EYS: variants seen among roughly 807,000 people sequenced by gnomAD.
EYS encodes the protein EGF-like photoreceptor maintenance factor, also known as protein eyes shut homolog.
Under a neutral mutation model 282.1 loss-of-function variants are expected in EYS, and 250 were observed. The observed-to-expected ratio is 0.89, with a 90% CI of 0.80 to 0.98. The LOEUF (loss-of-function observed/expected upper bound fraction) is 0.98, where lower values mean the gene tolerates loss of function less well. Ranked by LOEUF, EYS falls within the 50% of genes least tolerant of loss-of-function variation. The pLI is 0.00. For synonymous variants in EYS, 1,355 were observed against 1,282.9 expected (o/e 1.06, Z -1.20); for missense variants, 4,016 against 3,709.0 (o/e 1.08, Z -2.15).
intron 2 of EYS, among the ~76,000 whole-genome samples, chr6:65,575,059 C>T (rs917242199): frequency 3.9e-5 from 6 of 152,146 alleles, no homozygotes; most frequent in African/African-American, 7.2e-5. Flanking sequence ...TGGTGGCTCA[C>T]GCCTATAATC....
intron 30 of EYS, among the ~76,000 whole-genome samples, chr6:64,251,849 A>G (rs960743449): frequency 1.3e-5 from 2 of 152,272 alleles, no homozygotes; most frequent in East Asian, 3.9e-4. Flanking sequence ...CTAAAATGCC[A>G]AAAGGAAGAA....
chr6:64,984,040 T>G (rs1770770006), intron 14 of EYS, among the ~76,000 whole-genome samples: 1 of 151,400 alleles, frequency 6.6e-6, no homozygotes, highest in East Asian at 1.9e-4. Flanking sequence ...CGTCTGGAAT[T>G]ACGAGATCTG....
At chr6:65,115,515 G>A (rs1368805187) in intron 12 of EYS, among the ~76,000 whole-genome samples, 1 of 151,898 alleles carries the variant, frequency 6.6e-6, no homozygotes. Flanking sequence ...TGAAAAAAAT[G>A]CCTGACACTA....
intron 41 of EYS, among the ~76,000 whole-genome samples, chr6:63,760,015 C>T (rs558515236): frequency 5.9e-5 from 9 of 152,062 alleles, no homozygotes; most frequent in African/African-American, 2.2e-4. Context: ...GCAAAATGAC[C>T]ATGTGTGTGG....
At position 63,993,441 on chromosome 6, in the gene EYS, C is replaced by A. The variant is rs529308240; in HGVS notation, c.6834+5634G>T. Among the ~76,000 whole-genome samples, 13 of 151,832 alleles carry A rather than the reference C, an allele frequency of 8.6e-5. No homozygotes were observed. In the South Asian group the frequency reaches 2.7e-3, roughly 32 times the overall value. On this transcript the variant is annotated intron_variant, in intron 34 of 42. Coordinates refer to ENST00000503581, the MANE Select transcript of EYS (RefSeq NM_001142800.2). The stretch of plus-strand genomic sequence containing the variant: ...TAATGATATCTCTGACATACATGCA[C>A]ACACACAAAAACTGTTAGAGCCAAC...
intron 2 of EYS, among the ~76,000 whole-genome samples, chr6:65,574,284 A>G (rs549755204): frequency 6.6e-6 from 1 of 152,292 alleles, no homozygotes; most frequent in East Asian, 1.9e-4. Flanking sequence ...AAGGTCTCCA[A>G]TCAAATTCGG....
At chr6:64,697,963 C>CA (rs1372308427) in intron 22 of EYS, among the ~76,000 whole-genome samples, 130 of 150,708 alleles carry the variant, frequency 8.6e-4, no homozygotes, top group African/African-American at 2.8e-3. Flanking sequence ...CAAAAAAAAG[C>CA]AAAAAAAATC....
intron 19 of EYS, among the ~76,000 whole-genome samples, chr6:64,882,726 T>A (rs1207016107): frequency 6.6e-6 from 1 of 151,666 alleles, no homozygotes; most frequent in African/African-American, 2.4e-5. Flanking sequence ...ATCTTTTATT[T>A]CCCATTCAAT....
chr6:64,562,964 T>C (rs1218953468), intron 26 of EYS, among the ~76,000 whole-genome samples: 1 of 152,062 alleles, frequency 6.6e-6, no homozygotes, highest in Non-Finnish European at 1.5e-5. Context: ...TAAAACTCAG[T>C]ATTCTGACAA....
chr6:65,219,607 T>C (rs1766408238), intron 12 of EYS, among the ~76,000 whole-genome samples: 2 of 152,196 alleles, frequency 1.3e-5, no homozygotes, highest in Non-Finnish European at 2.9e-5. Flanking sequence ...AATCTTTGTT[T>C]ACATCTGTTT....
At chr6:63,810,795 A>G (rs1013808767) in intron 36 of EYS, among the ~76,000 whole-genome samples, 1 of 152,112 alleles carries the variant, frequency 6.6e-6, no homozygotes, top group East Asian at 1.9e-4. Flanking sequence ...AGCCTCTAAA[A>G]TGGCTATTTA....
At chr6:65,149,614 G>C (rs1173894054) in intron 12 of EYS, among the ~76,000 whole-genome samples, 1 of 149,808 alleles carries the variant, frequency 6.7e-6, no homozygotes, top group Non-Finnish European at 1.5e-5. Flanking sequence ...GGACTTCATT[G>C]TCCAAATCAC....
intron 29 of EYS, among the ~76,000 whole-genome samples, chr6:64,315,971 T>A (rs1007079709): frequency 6.6e-6 from 1 of 152,140 alleles, no homozygotes; most frequent in Non-Finnish European, 1.5e-5. Context: ...AAAAACCACA[T>A]GATTATCTCA....
chr6:64,956,603 GCTC>G (rs1769708884), intron 14 of EYS, among the ~76,000 whole-genome samples: 1 of 145,030 alleles, frequency 6.9e-6, no homozygotes, highest in South Asian at 2.2e-4. Flanking sequence ...AAGTTAAAAA[GCTC>G]CTGCACAGCA....
At chr6:64,658,922 C>G (rs1768874954) in intron 22 of EYS, among the ~76,000 whole-genome samples, 2 of 152,222 alleles carry the variant, frequency 1.3e-5, no homozygotes, top group Non-Finnish European at 2.9e-5. Context: ...CACCCCAAAT[C>G]AACAGAATAT....
intron 29 of EYS, among the ~76,000 whole-genome samples, chr6:64,387,503 T>C (rs1054217827): frequency 3.3e-5 from 5 of 152,158 alleles, no homozygotes; most frequent in Admixed American, 2.6e-4. Context: ...CAAATGTAAT[T>C]TATGAAAGGT....
intron 12 of EYS, among the ~76,000 whole-genome samples, chr6:65,206,247 T>C (rs1374591645): frequency 6.6e-6 from 1 of 151,704 alleles, no homozygotes. Context: ...CACCAAAGAT[T>C]AGTGTGAACA....
chr6:64,137,792 A>C (rs1028173240), intron 31 of EYS, among the ~76,000 whole-genome samples: 2 of 152,176 alleles, frequency 1.3e-5, no homozygotes, highest in Non-Finnish European at 2.9e-5. Context: ...AACATATACT[A>C]ATACTGGTAA....
In EYS at chr6:64,388,759, G is replaced by T. The variant is rs934395477; in HGVS notation, c.6009C>A (p.Leu2003=). The change falls in exon 29 of 43, where the codon CTC becomes CTA. Residue 2003 remains leucine (L), a synonymous_variant. Coordinates refer to ENST00000503581, the MANE Select transcript of EYS (RefSeq NM_001142800.2). ...TQICESINHV[L]GKPLPKSGSV... is the part of the protein sequence containing the mutation. ...ATCCTGATTTTGGCAGGGGTTTTCCGAGTACATGATTGATAGATTCGCATA... is the reference window on the plus strand; with the variant it reads ...ATCCTGATTTTGGCAGGGGTTTTCCTAGTACATGATTGATAGATTCGCATA... The T allele has an allele frequency of 6.5e-7, 1 of 1,545,006 alleles. No homozygotes were observed. The highest frequency in any genetic ancestry group is 1.4e-5 in the African/African-American group (1 of 72,868).
Sources: allele counts gnomAD v4.1 joint callset (sites outside exome capture counted in the v4.1 genomes callset), GRCh38; gene constraint gnomAD v4.1.1; transcripts MANE v1.5; gene names NCBI Gene and HGNC (gene_info 2026-07-23, HGNC 2026-07-21).